HACD3: variants seen among roughly 807,000 people sequenced by gnomAD.
HACD3 encodes very-long-chain (3R)-3-hydroxyacyl-CoA dehydratase 3.
Under a neutral mutation model 55.2 loss-of-function variants are expected in HACD3, and 30 were observed. The ratio of observed to expected loss-of-function variants is 0.54; its 90% CI spans 0.41 to 0.74. The LOEUF is 0.74. HACD3 is among the 30% of genes least tolerant of loss of function. The pLI is 0.00. For missense variants in HACD3, 363 were observed against 440.1 expected, an observed-to-expected ratio of 0.82 and a Z score of 1.57; for synonymous variants, 141 against 151.7, an observed-to-expected ratio of 0.93 and a Z score of 0.52.
At chr15:65,539,058 T>A (rs1006466798) in intron 1 of HACD3, among the ~76,000 whole-genome samples, 2 of 152,180 alleles carry the variant, frequency 1.3e-5, no homozygotes, top group Non-Finnish European at 2.9e-5. Flanking sequence ...ATTGTGATAT[T>A]AGCTTTATTG....
intron 1 of HACD3, among the ~76,000 whole-genome samples, chr15:65,550,360 C>G (rs894637504): frequency 1.3e-4 from 20 of 152,056 alleles, no homozygotes; most frequent in African/African-American, 4.6e-4. Flanking sequence ...GCACTCCAGC[C>G]TGGGTGAATT....
chr15:65,532,424 G>T (rs928154659), intron 1 of HACD3, among the ~76,000 whole-genome samples: 1 of 152,080 alleles, frequency 6.6e-6, no homozygotes, highest in African/African-American at 2.4e-5. Context: ...TCAGGAGTTC[G>T]ACACCAGCCT....
At chr15:65,550,077 A>G (rs1372847862) in intron 1 of HACD3, among the ~76,000 whole-genome samples, 1 of 152,214 alleles carries the variant, frequency 6.6e-6, no homozygotes, top group Non-Finnish European at 1.5e-5. Flanking sequence ...TACCAGGAAG[A>G]TACAACAATA....
At chr15:65,573,028 A>T (rs891997022) in intron 10 of HACD3, among the ~76,000 whole-genome samples, 4 of 151,722 alleles carry the variant, frequency 2.6e-5, no homozygotes, top group African/African-American at 9.7e-5. Context: ...CATATTCCTC[A>T]TCCAGAGTTT....
chr15:65,544,593 T>G (rs1379313042), intron 1 of HACD3, among the ~76,000 whole-genome samples: 1 of 152,200 alleles, frequency 6.6e-6, no homozygotes, highest in Non-Finnish European at 1.5e-5. Context: ...GTGTGTATAT[T>G]TATTTCTTAG....
At chr15:65,533,426 C>T (rs1349154240) in intron 1 of HACD3, among the ~76,000 whole-genome samples, 1 of 152,186 alleles carries the variant, frequency 6.6e-6, no homozygotes, top group Non-Finnish European at 1.5e-5. Flanking sequence ...GTAATTGCTA[C>T]AGGAGTAGCA....
At chr15:65,567,959 G>A (rs2072309154) in intron 7 of HACD3, among the ~76,000 whole-genome samples, 1 of 150,050 alleles carries the variant, frequency 6.7e-6, no homozygotes, top group South Asian at 2.1e-4. Context: ...GTCTCGCCCT[G>A]TCGCCCAAGC....
chr15:65,545,956 C>T (rs183160185), intron 1 of HACD3, among the ~76,000 whole-genome samples: 5 of 152,378 alleles, frequency 3.3e-5, no homozygotes, highest in Admixed American at 3.3e-4. Flanking sequence ...CTTCTTCTCT[C>T]TTAGACCACT....
chr15:65,567,266 C>G (rs1423344822), intron 7 of HACD3, among the ~76,000 whole-genome samples: 1 of 152,048 alleles, frequency 6.6e-6, no homozygotes, highest in Non-Finnish European at 1.5e-5. Context: ...TTGCAGTGAG[C>G]TGGGATTGTG....
chr15:65,554,659 C>A (rs2072169754), intron 2 of HACD3, among the ~76,000 whole-genome samples: 1 of 151,890 alleles, frequency 6.6e-6, no homozygotes, highest in African/African-American at 2.4e-5. Context: ...CCTGTAGTCC[C>A]AGCTACTCGG....
chr15:65,553,573 C>T (rs551232725), intron 2 of HACD3, among the ~76,000 whole-genome samples: 1 of 152,308 alleles, frequency 6.6e-6, no homozygotes, highest in South Asian at 2.1e-4. Context: ...CATGAAAGTA[C>T]AGCCTGGCTT....
intron 4 of HACD3, among the ~76,000 whole-genome samples, chr15:65,558,469 C>A (rs929160851): frequency 6.6e-5 from 10 of 152,136 alleles, no homozygotes; most frequent in Non-Finnish European, 1.3e-4. Context: ...ATTTTGTGAA[C>A]AATGGATGGG....
At chr15:65,560,440 T>C (rs756798721) in intron 5 of HACD3, among the ~76,000 whole-genome samples, 25 of 152,176 alleles carry the variant, frequency 1.6e-4, no homozygotes, top group Non-Finnish European at 2.5e-4. Flanking sequence ...ATGTCCCTTA[T>C]TTTCCTGCAT....
chr15:65,560,270 G>A (rs1368172421), intron 5 of HACD3, among the ~76,000 whole-genome samples: 1 of 152,158 alleles, frequency 6.6e-6, no homozygotes, highest in African/African-American at 2.4e-5. Flanking sequence ...GAATAAATAT[G>A]TAGCAGCAAA....
chr15:65,554,512 A>G (rs1160628929), intron 2 of HACD3, among the ~76,000 whole-genome samples: 1 of 152,186 alleles, frequency 6.6e-6, no homozygotes, highest in East Asian at 1.9e-4. Context: ...ACAGTGGCTC[A>G]TGTCTGTAAT....
At chr15:65,567,306 G>A (rs138982121) in intron 7 of HACD3, among the ~76,000 whole-genome samples, 17 of 152,118 alleles carry the variant, frequency 1.1e-4, no homozygotes, top group African/African-American at 4.1e-4. Context: ...GCAGCAGAGC[G>A]AGACCCCTGT....
At chr15:65,552,367 G>A (rs2072142276) in intron 2 of HACD3, among the ~76,000 whole-genome samples, 1 of 152,040 alleles carries the variant, frequency 6.6e-6, no homozygotes, top group African/African-American at 2.4e-5. Context: ...ATTGAGTCTT[G>A]CTCTGTCACC....
intron 10 of HACD3, among the ~76,000 whole-genome samples, chr15:65,572,741 C>T (rs2072360136): frequency 6.6e-6 from 1 of 151,438 alleles, no homozygotes; most frequent in Non-Finnish European, 1.5e-5. Flanking sequence ...GTGGTGAAAC[C>T]CTGTCTCTAC....
chr15:65,570,888 C>T (rs1270266421), intron 8 of HACD3, among the ~76,000 whole-genome samples: 1 of 152,120 alleles, frequency 6.6e-6, no homozygotes, highest in Non-Finnish European at 1.5e-5. Flanking sequence ...GTGTCTTAAC[C>T]ATGGTCTGTG....
Sources: gnomAD v4.1 joint callset for allele counts (sites outside exome capture counted in the v4.1 genomes callset) on GRCh38, gnomAD v4.1.1 for gene constraint, MANE v1.5 for transcripts, NCBI Gene and HGNC (gene_info 2026-07-23, HGNC 2026-07-21) for gene names.